The following SIRPB1 variants were observed in gnomAD, a reference collection of about 807,000 sequenced individuals.
The protein encoded by SIRPB1 is signal regulatory protein beta 1.
Under a neutral mutation model 34.1 loss-of-function variants are expected in SIRPB1, and 28 were observed. The ratio of observed to expected loss-of-function variants is 0.82; its 90% confidence interval spans 0.61 to 1.12. SIRPB1 has a LOEUF of 1.12. SIRPB1 is among the 50% of genes most tolerant of loss of function. The probability of loss-of-function intolerance (pLI) is 0.00; values close to 1 mark genes in which losing one functional copy is unlikely to be tolerated. For missense variants in SIRPB1, 499 were observed against 507.0 expected (o/e 0.98, Z 0.15); for synonymous variants, 211 against 203.8 (o/e 1.04, Z -0.30).
intron 2 of SIRPB1, among the ~76,000 whole-genome samples, chr20:1,572,882 GGTCCGT>G (rs975905332): frequency 3.0e-4 from 46 of 151,270 alleles, no homozygotes; most frequent in Non-Finnish European, 1.5e-4. Flanking sequence ...CTGAAGCCAG[GGTCCGT>G]GGGATTTTGA....
rs755745357 is a variant in SIRPB1, at chr20:1,611,360, G to A, written c.76+8509C>T. ...AGGAAGCCCACGCTGTACTCACCAC[G>A]CACAGACAGCTCGGTGCCTGCTCCA... On this transcript the variant is annotated intron_variant, in intron 1 of 5. Transcript: ENST00000381605. 1.8e-5 allele frequency: 16 copies of A among 911,906 alleles called. 6 individuals are homozygous for A. The South Asian group carries it at 1.8e-4, about 10-fold the overall frequency. 56.5% of individuals were successfully genotyped at this position (911,906 alleles called of 1,614,324 possible).
rs41275424 is a variant in SIRPB1, at chr20:1,578,587, C to A, written c.184G>T (p.Val62Leu). Residue 62 changes from valine (V) to leucine (L), a missense_variant, in exon 2 of 6, where the codon GTG becomes TTG. By Grantham distance (32) the Val-to-Leu change is conservative. Coordinates refer to ENST00000381605, the MANE Select transcript of SIRPB1 (RefSeq NM_006065.5). ...LRCAMTSLIP[V>L]GPIMWFRGAG... Reference sequence around the variant, plus strand: ...CCTCTAAACCACATGATGGGCCCCACAGGGATCAGGGACGTCATAGCACAG... The same window carrying A: ...CCTCTAAACCACATGATGGGCCCCAAAGGGATCAGGGACGTCATAGCACAG... 16,222 of 1,584,054 alleles carry A rather than the reference C, an allele frequency of 0.01. 2,001 individuals carry two copies. Among genetic ancestry groups the A allele is most frequent in the Non-Finnish European group, 0.011 (12,562 of 1,157,568 alleles).
At chr20:1,571,667 G>A (rs2091238751) in intron 3 of SIRPB1, 53 bp downstream of exon 3, 3 of 1,611,856 alleles carry the variant, frequency 1.9e-6, no homozygotes, top group South Asian at 2.2e-5. Context: ...GGGGAGAGGG[G>A]AGTGGGCTTG....
chr20:1,613,716 C>T (rs1305474613), intron 1 of SIRPB1, among the ~76,000 whole-genome samples: 1 of 151,982 alleles, frequency 6.6e-6, no homozygotes, highest in Non-Finnish European at 1.5e-5. Flanking sequence ...AAGTATAGAG[C>T]ACAGAATCTA....
At chr20:1,619,422 C>T (rs1233074339) in intron 1 of SIRPB1, among the ~76,000 whole-genome samples, 1 of 152,050 alleles carries the variant, frequency 6.6e-6, no homozygotes, top group East Asian at 1.9e-4. Context: ...CAGGATACAC[C>T]ACACCACTGC....
chr20:1,613,050 A>C lies in SIRPB1; in HGVS notation c.76+6819T>G, dbSNP rs1428135966. Among the ~76,000 whole-genome samples, 3 of 73,266 alleles carry C rather than the reference A, an allele frequency of 4.1e-5. 1 individual carries two copies. The highest frequency in any genetic ancestry group is 7.7e-5 in the Non-Finnish European group (3 of 38,864). The allele number at this position is 73,266 out of a possible 152,430, so 48.1% of individuals were successfully genotyped here. On this transcript the variant is annotated intron_variant, in intron 1 of 5. Coordinates refer to ENST00000381605, the MANE Select transcript of SIRPB1 (RefSeq NM_006065.5). ...AAAGCACATTTTAGGTGCTGTTGAC[A>C]TACAACACATGCAGCATAACTATGG... is the stretch of plus-strand genomic sequence containing the variant.
rs780651087 is a variant in SIRPB1, at chr20:1,619,939, G to A, written c.6C>T (p.Pro2=). ...GAAGGTGGGGCCAGGAGGCTGGCAC[G>A]GGCATTCTGGAGACCTTAGGAGCCT... M[P]VPASWPHLPS... is the part of the protein sequence containing the mutation. The change falls in exon 1 of 6, where the codon CCC becomes CCT. Residue 2 remains proline, a synonymous_variant. Coordinates refer to ENST00000381605, the MANE Select transcript of SIRPB1 (RefSeq NM_006065.5). 9 of 1,613,448 alleles carry A rather than the reference G, an allele frequency of 5.6e-6. No homozygotes were observed. The highest frequency in any genetic ancestry group is 3.3e-5 in the Admixed American group (2 of 59,954).
rs1403032058 is a variant in SIRPB1, at chr20:1,602,151, G to A, written c.76+17718C>T. ...AACTGAAGCAGCTGATCCTTTGAAA[G>A]GATCAATAAAATGGGAAAAAATTAT... On this transcript the variant is annotated intron_variant, in intron 1 of 5. Transcript: ENST00000381605. Among the ~76,000 whole-genome samples, 2 of 48,612 alleles carry A rather than the reference G, an allele frequency of 4.1e-5. 1 individual carries two copies. Among genetic ancestry groups the A allele is most frequent in the Non-Finnish European group, 7.9e-5 (2 of 25,382 alleles). The allele number at this position is 48,612 out of a possible 152,430, so 31.9% of individuals were successfully genotyped here.
At chr20:1,570,621 A>C in intron 4 of SIRPB1, 184 bp downstream of exon 4, 1 of 558,122 alleles carries the variant, frequency 1.8e-6, no homozygotes, top group Non-Finnish European at 3.1e-6. Flanking sequence ...AAGGGTGTCT[A>C]CAAATGGCCA....
chr20:1,570,792 G>A lies in SIRPB1; in HGVS notation c.1084+13C>T. On this transcript the variant is annotated intron_variant, in intron 4 of 5. Transcript: ENST00000381605. ...AGAAAAAGACAAAATTTAAAAATGG[G>A]AAGTAACCGCACCATGGGTGATATC... 1 of 1,565,410 alleles carries A rather than the reference G, an allele frequency of 6.4e-7. No homozygotes were observed. Among genetic ancestry groups the A allele is most frequent in the Non-Finnish European group, 8.7e-7 (1 of 1,153,486 alleles).
At position 1,564,829 on chromosome 20, in the gene SIRPB1, G is replaced by A. The variant is rs1362243709; in HGVS notation, c.*671C>T. ...TAAACATTTACCATCTCATGTAAGTGGACACATGCATTTTGGAGGCAGAAC... is the reference window on the plus strand; with the variant it reads ...TAAACATTTACCATCTCATGTAAGTAGACACATGCATTTTGGAGGCAGAAC... On this transcript the variant is annotated 3_prime_UTR_variant, in exon 6 of 6. Transcript: ENST00000381605. 2 of 398,196 alleles carry A rather than the reference G, an allele frequency of 5.0e-6. No homozygotes were observed. The highest frequency in any genetic ancestry group is 2.1e-5 in the African/African-American group (1 of 48,600). 24.7% of individuals were successfully genotyped at this position (398,196 alleles called of 1,614,324 possible).
chr20:1,577,374 G>A lies in SIRPB1; in HGVS notation c.433+964C>T, dbSNP rs186828339. ...TGACCATGGACAAGGCCCCTGTCAT[G>A]TCTTGGCTTCAGTCTCCCATCTGTA... On this transcript the variant is annotated intron_variant, in intron 2 of 5. Coordinates refer to ENST00000381605, the MANE Select transcript of SIRPB1 (RefSeq NM_006065.5). 2.7e-5 allele frequency among the ~76,000 whole-genome samples: 4 copies of A among 147,972 alleles called. No individual in the cohort carries two copies. The East Asian group carries it at 5.8e-4, about 21-fold the overall frequency.
At chr20:1,578,291 GT>G (rs749861595) in intron 2 of SIRPB1, 46 bp downstream of exon 2, 1 of 1,536,656 alleles carries the variant, frequency 6.5e-7, no homozygotes, top group South Asian at 1.1e-5. Context: ...TAATTATTGA[GT>G]TATTGTCACA....
In SIRPB1 at chr20:1,571,152, G is replaced by A. The variant is rs759411397; in HGVS notation, c.752-15C>T. 45 of 1,605,716 alleles carry A rather than the reference G, an allele frequency of 2.8e-5. No individual in the cohort carries two copies. The highest frequency in any genetic ancestry group is 3.5e-5 in the Non-Finnish European group (41 of 1,174,750). On this transcript the variant is annotated splice_polypyrimidine_tract_variant and intron_variant, in intron 3 of 5. Transcript: ENST00000381605. ...GGTGGGTGGAACTGAAACAGCACAG[G>A]GCAGAAGCTCTGATCTTGTGGCACA... is the stretch of plus-strand genomic sequence containing the variant.
chr20:1,615,625 C>A (rs573566123), intron 1 of SIRPB1, among the ~76,000 whole-genome samples: 2 of 152,300 alleles, frequency 1.3e-5, no homozygotes, highest in Non-Finnish European at 2.9e-5. Flanking sequence ...GGAATATACA[C>A]AATGAGCAAG....
intron 4 of SIRPB1, among the ~76,000 whole-genome samples, chr20:1,569,915 T>C (rs1481923557): frequency 6.6e-6 from 1 of 152,106 alleles, no homozygotes; most frequent in African/African-American, 2.4e-5. Flanking sequence ...AAATAAGACA[T>C]ATTTTGGTTA....
At chr20:1,619,824 G>T in intron 1 of SIRPB1, 45 bp downstream of exon 1, 1 of 1,396,102 alleles carries the variant, frequency 7.2e-7, no homozygotes, top group Non-Finnish European at 1.0e-6. Flanking sequence ...ACAGGCCATG[G>T]CTCAGTGGGC....
rs2091108654 is a variant in SIRPB1 at position 1,565,022 on chromosome 20, A to G, written c.*478T>C. Reference sequence around the variant, plus strand: ...TTCTTTCTTTTTGGGTTTGAGGGATAGGATGCTTGGACAAAGAGGAAAGAG... The same window carrying G: ...TTCTTTCTTTTTGGGTTTGAGGGATGGGATGCTTGGACAAAGAGGAAAGAG... On this transcript the variant is annotated 3_prime_UTR_variant, in exon 6 of 6. Transcript: ENST00000381605. 5.0e-6 allele frequency: 2 copies of G among 398,676 alleles called. No homozygotes were observed. Among genetic ancestry groups the G allele is most frequent in the African/African-American group, 2.1e-5 (1 of 48,758 alleles). The allele number at this position is 398,676 out of a possible 1,614,324, so 24.7% of individuals were successfully genotyped here. A position where few individuals can be genotyped will look rare whatever the true frequency, so the allele number is the denominator to read the frequency against.
rs1340182221 is a variant in SIRPB1 at position 1,564,547 on chromosome 20, C to T, written c.*953G>A. On this transcript the variant is annotated 3_prime_UTR_variant, in exon 6 of 6. Transcript: ENST00000381605. ...AAATGAAAGCCAGAGGAGTGGTCCC[C>T]AAAGAGATGATGCTGGCTGGGACAG... The T allele has an allele frequency of 5.4e-6, 1 of 184,036 alleles. No individual in the cohort carries two copies. Among genetic ancestry groups the T allele is most frequent in the Non-Finnish European group, 1.1e-5 (1 of 89,176 alleles). 11.4% of individuals were successfully genotyped at this position (184,036 alleles called of 1,614,324 possible).
Sources: gnomAD v4.1 joint callset for allele counts (sites outside exome capture counted in the v4.1 genomes callset) on GRCh38, gnomAD v4.1.1 for gene constraint, MANE v1.5 for transcripts, NCBI Gene and HGNC (gene_info 2026-07-23, HGNC 2026-07-21) for gene names.